Variants in SLC8A1 observed in about 807,000 individuals in gnomAD.
SLC8A1 encodes solute carrier family 8 member A1, also known as sodium/calcium exchanger 1.
A neutral mutation model predicts 68.3 loss-of-function variants in SLC8A1; 18 were observed. The ratio of observed to expected loss-of-function variants is 0.26; its 90% CI spans 0.18 to 0.39. The LOEUF (loss-of-function observed/expected upper bound fraction) is 0.39. SLC8A1 is among the 10% of genes least tolerant of loss of function. The pLI is 1.00. For missense variants in SLC8A1, 985 were observed against 1,156.7 expected (o/e 0.85, Z 2.15); for synonymous variants, 475 against 415.5 (o/e 1.14, Z -1.74).
At chr2:40,370,522 C>T (rs962208529) in intron 2 of SLC8A1, among the ~76,000 whole-genome samples, 3 of 152,194 alleles carry the variant, frequency 2.0e-5, no homozygotes, top group Admixed American at 6.6e-5. Flanking sequence ...ACTATCCTTG[C>T]GTCTAACAAA....
intron 2 of SLC8A1, among the ~76,000 whole-genome samples, chr2:40,364,470 G>A (rs576672438): frequency 3.3e-5 from 5 of 149,496 alleles, no homozygotes; most frequent in African/African-American, 1.2e-4. Flanking sequence ...ACAATTAGAA[G>A]ATTTCTATGA....
chr2:40,503,567 C>G (rs1400194756), intron 1 of SLC8A1, among the ~76,000 whole-genome samples: 1 of 151,968 alleles, frequency 6.6e-6, no homozygotes, highest in Non-Finnish European at 1.5e-5. Context: ...CCAAAAGACT[C>G]CACATGAAAG....
intron 2 of SLC8A1, among the ~76,000 whole-genome samples, chr2:40,425,667 T>C (rs1267851884): frequency 6.6e-6 from 1 of 151,922 alleles, no homozygotes; most frequent in Non-Finnish European, 1.5e-5. Context: ...ACTATGTAAT[T>C]TGATGAGATA....
intron 7 of SLC8A1, among the ~76,000 whole-genome samples, chr2:40,116,011 G>C (rs1242785116): frequency 6.6e-6 from 1 of 152,200 alleles, no homozygotes; most frequent in Non-Finnish European, 1.5e-5. Flanking sequence ...ATGCGGCTGT[G>C]CTGGTCATAA....
At chr2:40,481,793 C>A (rs1704646100) in intron 1 of SLC8A1, among the ~76,000 whole-genome samples, 1 of 152,170 alleles carries the variant, frequency 6.6e-6, no homozygotes, top group Admixed American at 6.5e-5. Context: ...TCGTTTCTGT[C>A]TCTTTAACAG....
intron 2 of SLC8A1, among the ~76,000 whole-genome samples, chr2:40,229,017 A>C (rs1162847361): frequency 6.6e-6 from 1 of 152,156 alleles, no homozygotes; most frequent in Admixed American, 6.6e-5. Flanking sequence ...TTAATTTCAT[A>C]ATGGTTTACA....
chr2:40,174,748 A>C (rs1192150567), intron 4 of SLC8A1, 28 bp from the exon 6 acceptor site: 1 of 1,570,344 alleles, frequency 6.4e-7, no homozygotes, highest in Non-Finnish European at 8.7e-7. Flanking sequence ...AAAAATGAGA[A>C]ATTTTTTTTA....
chr2:40,475,145 A>T (rs541564653), intron 1 of SLC8A1, among the ~76,000 whole-genome samples: 1 of 151,902 alleles, frequency 6.6e-6, no homozygotes, highest in Non-Finnish European at 1.5e-5. Context: ...TTATTTATTT[A>T]TTTTTTGAGA....
intron 2 of SLC8A1, among the ~76,000 whole-genome samples, chr2:40,340,211 T>G (rs564673098): frequency 6.6e-6 from 1 of 152,158 alleles, no homozygotes; most frequent in Non-Finnish European, 1.5e-5. Flanking sequence ...ATAAGAAACA[T>G]GTCTATTTCA....
chr2:40,268,284 A>C (rs1181079976), intron 2 of SLC8A1, among the ~76,000 whole-genome samples: 1 of 152,132 alleles, frequency 6.6e-6, no homozygotes, highest in African/African-American at 2.4e-5. Flanking sequence ...TCCCTACACC[A>C]TACTCACTAA....
At chr2:40,141,971 G>T (rs148759790) in intron 6 of SLC8A1, among the ~76,000 whole-genome samples, 1 of 152,216 alleles carries the variant, frequency 6.6e-6, no homozygotes, top group Non-Finnish European at 1.5e-5. Flanking sequence ...CCAACACCTT[G>T]ATCTCAGATT....
At chr2:40,261,131 T>C (rs2064641143) in intron 2 of SLC8A1, among the ~76,000 whole-genome samples, 1 of 152,144 alleles carries the variant, frequency 6.6e-6, no homozygotes. Context: ...GAATCTTCTG[T>C]AGTAGAAAGG....
chr2:40,256,969 C>G (rs867951917), intron 2 of SLC8A1, among the ~76,000 whole-genome samples: 1 of 152,068 alleles, frequency 6.6e-6, no homozygotes, highest in Non-Finnish European at 1.5e-5. Flanking sequence ...CCCCAAAAGT[C>G]TCTGCAGTCT....
At chr2:40,474,971 A>G (rs1236437314) in intron 1 of SLC8A1, among the ~76,000 whole-genome samples, 1 of 152,178 alleles carries the variant, frequency 6.6e-6, no homozygotes. Flanking sequence ...GTCCTGGTAA[A>G]GATATATAAC....
chr2:40,160,276 G>C (rs2045437706), intron 6 of SLC8A1, among the ~76,000 whole-genome samples: 1 of 152,212 alleles, frequency 6.6e-6, no homozygotes, highest in African/African-American at 2.4e-5. Context: ...GAAACAGAAT[G>C]TAATTCTATT....
chr2:40,451,732 C>CATCACACACACACA (rs1195159597), intron 1 of SLC8A1, among the ~76,000 whole-genome samples, 172 bp downstream of exon 1: 10 of 136,470 alleles, frequency 7.3e-5, no homozygotes, highest in African/African-American at 2.5e-4. Context: ...CGCGCACACA[C>CATCACACACACACA]CACATCACAC....
intron 2 of SLC8A1, among the ~76,000 whole-genome samples, chr2:40,237,523 T>C (rs1233002656): frequency 6.6e-6 from 1 of 151,872 alleles, no homozygotes; most frequent in Non-Finnish European, 1.5e-5. Context: ...TTTTTCAAAG[T>C]TTTCAACTTC....
intron 2 of SLC8A1, among the ~76,000 whole-genome samples, chr2:40,270,927 T>C (rs1241672075): frequency 6.6e-6 from 1 of 152,138 alleles, no homozygotes; most frequent in Non-Finnish European, 1.5e-5. Flanking sequence ...CTGGTTTTCC[T>C]AACGCCCTCT....
At chr2:40,413,129 T>C (rs966415727) in intron 2 of SLC8A1, among the ~76,000 whole-genome samples, 3 of 152,058 alleles carry the variant, frequency 2.0e-5, no homozygotes, top group Admixed American at 2.0e-4. Flanking sequence ...TGTGGAGAAA[T>C]AGGAACATTT....
Sources: allele counts gnomAD v4.1 joint callset (sites outside exome capture counted in the v4.1 genomes callset), GRCh38; gene constraint gnomAD v4.1.1; transcripts MANE v1.5; gene names NCBI Gene and HGNC (gene_info 2026-07-23, HGNC 2026-07-21).